Variants in DPP6 observed in about 807,000 individuals in gnomAD.
DPP6 encodes A-type potassium channel modulatory protein DPP6.
DPP6 carries 69 observed loss-of-function variants against 122.6 expected under a neutral mutation model. The observed-to-expected ratio is 0.56, with a 90% CI of 0.46 to 0.69. The LOEUF is 0.69. DPP6 is among the 30% of genes least tolerant of loss of function. The pLI, the probability that DPP6 is intolerant of heterozygous loss-of-function variation, is 0.00. For synonymous variants in DPP6, 418 were observed against 433.1 expected (o/e 0.97, Z 0.43); for missense variants, 928 against 1,116.9 (o/e 0.83, Z 2.41).
intron 1 of DPP6, among the ~76,000 whole-genome samples, chr7:154,427,281 T>A (rs1817995025): frequency 6.6e-6 from 1 of 152,236 alleles, no homozygotes; most frequent in Admixed American, 6.5e-5. Flanking sequence ...AGCTTGAGAT[T>A]AAGTGAAATT....
intron 4 of DPP6, among the ~76,000 whole-genome samples, chr7:154,557,502 T>A (rs958312327): frequency 2.6e-5 from 4 of 152,178 alleles, no homozygotes; most frequent in African/African-American, 9.6e-5. Flanking sequence ...ATCTCTATTA[T>A]AACCCAGTCA....
chr7:154,620,924 A>C (rs1287071817), intron 5 of DPP6, among the ~76,000 whole-genome samples: 1 of 152,230 alleles, frequency 6.6e-6, no homozygotes, highest in Non-Finnish European at 1.5e-5. Context: ...CAAACTTCAA[A>C]TTAATGCCAT....
At chr7:154,527,658 A>G (rs988173030) in intron 3 of DPP6, among the ~76,000 whole-genome samples, 3 of 152,196 alleles carry the variant, frequency 2.0e-5, no homozygotes, top group African/African-American at 7.2e-5. Context: ...AGAAATTAAA[A>G]TCTATTACTA....
At chr7:154,662,259 C>T (rs1398439971) in intron 6 of DPP6, among the ~76,000 whole-genome samples, 1 of 151,606 alleles carries the variant, frequency 6.6e-6, no homozygotes, top group Non-Finnish European at 1.5e-5. Flanking sequence ...CCATAGTGTT[C>T]ATATAGTCAT....
At chr7:154,354,782 C>G (rs1212481920) in intron 1 of DPP6, among the ~76,000 whole-genome samples, 1 of 152,182 alleles carries the variant, frequency 6.6e-6, no homozygotes, top group African/African-American at 2.4e-5. Context: ...ATTCCTTCTG[C>G]TGTTGGTGGA....
At chr7:154,032,120 C>A (rs1009259865) in intron 1 of DPP6, among the ~76,000 whole-genome samples, 14 of 151,716 alleles carry the variant, frequency 9.2e-5, no homozygotes, top group Admixed American at 6.6e-4. Flanking sequence ...GTGATCCTCC[C>A]GCCTCAGCCT....
chr7:154,130,007 CGGAGGTTGCAGTG>C (rs1251482821), intron 1 of DPP6, among the ~76,000 whole-genome samples: 5 of 149,810 alleles, frequency 3.3e-5, no homozygotes, highest in African/African-American at 7.6e-5. Flanking sequence ...GCCTGGGAGG[CGGAGGTTGCAGTG>C]GGAGGTTGCA....
intron 1 of DPP6, among the ~76,000 whole-genome samples, chr7:154,306,584 G>A (rs1226295606): frequency 6.6e-6 from 1 of 152,314 alleles, no homozygotes; most frequent in East Asian, 1.9e-4. Flanking sequence ...AGGACACTGT[G>A]TGACAGAATT....
chr7:153,843,877 G>T, the DPP6 span, among the ~76,000 whole-genome samples: 1 of 152,152 alleles, frequency 6.6e-6, no homozygotes, highest in African/African-American at 2.4e-5. Context: ...CAACCGGTCA[G>T]ACCAGAAATT....
the DPP6 span, among the ~76,000 whole-genome samples, chr7:153,756,645 A>G: frequency 6.6e-6 from 1 of 152,164 alleles, no homozygotes; most frequent in Non-Finnish European, 1.5e-5. Context: ...TCTAATTGGT[A>G]ATTTCTGGAA....
At chr7:154,797,587 A>G (rs930043530) in intron 12 of DPP6, among the ~76,000 whole-genome samples, 19 of 152,192 alleles carry the variant, frequency 1.2e-4, no homozygotes, top group African/African-American at 4.3e-4. Context: ...AATATCCAGA[A>G]TAAATAAACT....
chr7:153,867,479 G>C, the DPP6 span, among the ~76,000 whole-genome samples: 2 of 152,178 alleles, frequency 1.3e-5, no homozygotes, highest in Admixed American at 6.5e-5. Context: ...AAGAATGCTT[G>C]TGATATTTGC....
At chr7:154,620,702 C>T (rs781768959) in intron 5 of DPP6, among the ~76,000 whole-genome samples, 35 of 152,312 alleles carry the variant, frequency 2.3e-4, no homozygotes, top group Admixed American at 3.3e-4. Flanking sequence ...GCTGTAACGA[C>T]GTCCCCGTCA....
chr7:154,738,553 G>A (rs145051178), intron 8 of DPP6, among the ~76,000 whole-genome samples: 5 of 152,288 alleles, frequency 3.3e-5, no homozygotes, highest in African/African-American at 1.2e-4. Context: ...ATATTCTTCC[G>A]ACCTTTCTTA....
chr7:153,909,483 C>T (rs1799988204), intron 1 of DPP6, among the ~76,000 whole-genome samples: 1 of 152,156 alleles, frequency 6.6e-6, no homozygotes. Flanking sequence ...TATGCCCTGT[C>T]CCCCTCCAGC....
intron 1 of DPP6, among the ~76,000 whole-genome samples, chr7:154,419,787 C>CT (rs1048240318): frequency 6.6e-6 from 1 of 152,134 alleles, no homozygotes; most frequent in Non-Finnish European, 1.5e-5. Flanking sequence ...CCTCTATACT[C>CT]TTTTTCTCAT....
At chr7:154,444,277 G>A (rs1819667036) in intron 1 of DPP6, among the ~76,000 whole-genome samples, 1 of 151,094 alleles carries the variant, frequency 6.6e-6, no homozygotes, top group Non-Finnish European at 1.5e-5. Flanking sequence ...CTAACATGGT[G>A]AAACCCTGTC....
intron 1 of DPP6, among the ~76,000 whole-genome samples, chr7:154,012,147 G>C (rs1390957720): frequency 6.6e-6 from 1 of 152,146 alleles, no homozygotes; most frequent in Non-Finnish European, 1.5e-5. Context: ...TTAGAGCCAG[G>C]TTTAGTCCAC....
the DPP6 span, among the ~76,000 whole-genome samples, chr7:153,756,634 G>T: frequency 6.6e-6 from 1 of 152,088 alleles, no homozygotes; most frequent in African/African-American, 2.4e-5. Flanking sequence ...AAGCTTAGTT[G>T]TCTAATTGGT....
Sources: allele counts gnomAD v4.1 joint callset (sites outside exome capture counted in the v4.1 genomes callset), GRCh38; gene constraint gnomAD v4.1.1; transcripts MANE v1.5; gene names NCBI Gene and HGNC (gene_info 2026-07-23, HGNC 2026-07-21).